ARHGAP42: variants seen among roughly 807,000 people sequenced by gnomAD.
The protein encoded by ARHGAP42 is rho GTPase-activating protein 42.
Under a neutral mutation model 125.0 loss-of-function variants are expected in ARHGAP42, and 63 were observed. That is an observed-to-expected ratio of 0.50 (90% confidence interval 0.41 to 0.62). ARHGAP42 has a LOEUF of 0.62. Among genes scored for constraint, ARHGAP42 ranks in the 20% least tolerant of loss-of-function variants. The pLI is 0.00. For missense variants in ARHGAP42, 766 were observed against 1,024.2 expected (o/e 0.75, Z 3.44); for synonymous variants, 339 against 351.0 (o/e 0.97, Z 0.38).
At chr11:100,828,150 C>T (rs766926851) in intron 3 of ARHGAP42, among the ~76,000 whole-genome samples, 17 of 145,574 alleles carry the variant, frequency 1.2e-4, no homozygotes, top group Admixed American at 5.8e-4. Context: ...ATCAGTCCTC[C>T]AAGTGGTCTC....
chr11:100,961,792 A>G (rs1185021191), intron 15 of ARHGAP42, 24 bp downstream of exon 15: 2 of 1,530,986 alleles, frequency 1.3e-6, no homozygotes, highest in African/African-American at 2.8e-5. Flanking sequence ...AACTCCTGGT[A>G]CTCTGGATGT....
At chr11:100,784,058 G>T (rs1020454743) in intron 2 of ARHGAP42, among the ~76,000 whole-genome samples, 19 of 152,260 alleles carry the variant, frequency 1.2e-4, no homozygotes, top group Middle Eastern at 3.4e-3. Context: ...TTTCCAGCTG[G>T]GGACATCAGA....
chr11:100,813,232 G>A (rs991850129), intron 3 of ARHGAP42, among the ~76,000 whole-genome samples: 1 of 151,994 alleles, frequency 6.6e-6, no homozygotes, highest in Non-Finnish European at 1.5e-5. Context: ...GGTCTGTCCT[G>A]TGCATTGTAG....
chr11:100,957,666 A>G (rs1249250054), intron 12 of ARHGAP42, among the ~76,000 whole-genome samples: 3 of 152,092 alleles, frequency 2.0e-5, no homozygotes, highest in Non-Finnish European at 2.9e-5. Flanking sequence ...ATAATGTTGT[A>G]TTTACTCACA....
At chr11:100,867,923 G>C (rs1865609589) in intron 4 of ARHGAP42, among the ~76,000 whole-genome samples, 1 of 152,204 alleles carries the variant, frequency 6.6e-6, no homozygotes, top group Admixed American at 6.5e-5. Flanking sequence ...CTGGAAGAGA[G>C]AGAGAGAGAA....
At chr11:100,921,926 A>G (rs1184110606) in intron 6 of ARHGAP42, among the ~76,000 whole-genome samples, 1 of 151,604 alleles carries the variant, frequency 6.6e-6, no homozygotes, top group East Asian at 1.9e-4. Flanking sequence ...ACTATAACAA[A>G]TGTACCACAG....
chr11:100,987,793 C>T (rs1045399485), intron 23 of ARHGAP42, among the ~76,000 whole-genome samples: 18 of 146,840 alleles, frequency 1.2e-4, no homozygotes, highest in African/African-American at 4.5e-4. Context: ...AGGGTAAGCC[C>T]AGCCCAACCC....
chr11:100,937,727 A>G (rs1867771844), intron 8 of ARHGAP42, among the ~76,000 whole-genome samples: 1 of 152,224 alleles, frequency 6.6e-6, no homozygotes, highest in Non-Finnish European at 1.5e-5. Flanking sequence ...GTGGGCACAC[A>G]ATATTTTATT....
chr11:100,804,775 G>T (rs540231113), intron 3 of ARHGAP42, among the ~76,000 whole-genome samples: 41 of 152,190 alleles, frequency 2.7e-4, no homozygotes, highest in African/African-American at 9.9e-4. Flanking sequence ...GCCTCCAAAA[G>T]TGCTGGGATT....
At chr11:100,804,787 C>A (rs985502282) in intron 3 of ARHGAP42, among the ~76,000 whole-genome samples, 7 of 152,108 alleles carry the variant, frequency 4.6e-5, no homozygotes, top group Non-Finnish European at 8.8e-5. Context: ...GCTGGGATTA[C>A]AGGCGTGAGC....
At position 100,743,390 on chromosome 11, in the gene ARHGAP42, G is replaced by A. The variant is rs559287034; in HGVS notation, c.155-26953G>A. Among the ~76,000 whole-genome samples the A allele has an allele frequency of 3.9e-5, 6 of 152,274 alleles. No individual in the cohort carries two copies. The South Asian group carries it at 1.0e-3, about 26-fold the overall frequency. On this transcript the variant is annotated intron_variant, in intron 1 of 23. Coordinates refer to ENST00000298815, the MANE Select transcript of ARHGAP42 (RefSeq NM_152432.4). Reference sequence around the variant, plus strand: ...TTCTGTTTAAGGAGGCTAAAGATAGGACCCCAATCTTCTGGTTTTTAAGAT... The same window carrying A: ...TTCTGTTTAAGGAGGCTAAAGATAGAACCCCAATCTTCTGGTTTTTAAGAT...
chr11:100,882,168 C>G (rs1292067683), intron 4 of ARHGAP42, among the ~76,000 whole-genome samples: 1 of 152,138 alleles, frequency 6.6e-6, no homozygotes, highest in African/African-American at 2.4e-5. Context: ...TTGTCTTGCT[C>G]CAGTTCTCAG....
intron 17 of ARHGAP42, among the ~76,000 whole-genome samples, chr11:100,967,746 G>T (rs1029055424): frequency 6.6e-6 from 1 of 151,736 alleles, no homozygotes; most frequent in African/African-American, 2.4e-5. Flanking sequence ...ACAGAGTCTC[G>T]CTCTGTCGCC....
chr11:100,793,567 A>G (rs866345983), intron 2 of ARHGAP42, among the ~76,000 whole-genome samples: 79 of 152,352 alleles, frequency 5.2e-4, no homozygotes, highest in African/African-American at 1.7e-3. Flanking sequence ...TAATTCTGAA[A>G]AGAGAAAATA....
chr11:100,809,622 A>G lies in ARHGAP42; in HGVS notation c.312+14456A>G, dbSNP rs147683906. Among the ~76,000 whole-genome samples, 1,382 of 152,306 alleles carry G rather than the reference A, an allele frequency of 9.1e-3. 19 individuals carry two copies. Among genetic ancestry groups the G allele is most frequent in the African/African-American group, 0.032 (1,311 of 41,574 alleles). On this transcript the variant is annotated intron_variant, in intron 3 of 23. Transcript: ENST00000298815. ...TGTACACTATTACTGTTTAAATTCA[A>G]AATTGTTTTGGAGGGCCTCTAGTCT...
chr11:100,761,986 G>A (rs1862710781), intron 1 of ARHGAP42, among the ~76,000 whole-genome samples: 2 of 152,210 alleles, frequency 1.3e-5, no homozygotes, highest in Non-Finnish European at 2.9e-5. Context: ...AGTAAGTGGT[G>A]ATCCCTGGAT....
At chr11:100,919,036 G>A (rs1295330229) in intron 5 of ARHGAP42, among the ~76,000 whole-genome samples, 3 of 152,074 alleles carry the variant, frequency 2.0e-5, no homozygotes, top group African/African-American at 4.8e-5. Context: ...TACAGTAAAA[G>A]GAAATAAAAA....
At chr11:100,794,455 C>A (rs1214583384) in intron 2 of ARHGAP42, among the ~76,000 whole-genome samples, 3 of 152,118 alleles carry the variant, frequency 2.0e-5, no homozygotes, top group Non-Finnish European at 4.4e-5. Context: ...AACAGATTAC[C>A]AGAGGATCTT....
chr11:100,757,759 C>T (rs944833286), intron 1 of ARHGAP42, among the ~76,000 whole-genome samples: 1 of 152,086 alleles, frequency 6.6e-6, no homozygotes, highest in Non-Finnish European at 1.5e-5. Context: ...AATTGACTCA[C>T]AAAAAAACAC....
Sources: gnomAD v4.1 joint callset for allele counts (sites outside exome capture counted in the v4.1 genomes callset) on GRCh38, gnomAD v4.1.1 for gene constraint, MANE v1.5 for transcripts, NCBI Gene and HGNC (gene_info 2026-07-23, HGNC 2026-07-21) for gene names.